The following APLP2 variants were observed in gnomAD, a reference collection of about 807,000 sequenced individuals.
APLP2 encodes the protein CDEI box-binding protein.
APLP2 carries 53 observed loss-of-function variants against 89.9 expected under a neutral mutation model. The ratio of observed to expected loss-of-function variants is 0.59; its 90% CI spans 0.47 to 0.74. The LOEUF (loss-of-function observed/expected upper bound fraction) is 0.74. APLP2 is among the 30% of genes least tolerant of loss of function. APLP2 has a pLI of 0.00. For missense variants in APLP2, 973 were observed against 975.9 expected, an observed-to-expected ratio of 1.00 and a Z score of 0.04; for synonymous variants, 372 against 348.6, an observed-to-expected ratio of 1.07 and a Z score of -0.75.
rs1294787856 is a variant in APLP2 at position 130,122,453 on chromosome 11, C to T, written c.862C>T (p.Pro288Ser). 1 of 1,614,010 alleles carries T rather than the reference C, an allele frequency of 6.2e-7. No homozygotes were observed. The highest frequency in any genetic ancestry group is 2.2e-5 in the East Asian group (1 of 44,884). ...FKGDDYNEENPTEPGSDGTMS... is the reference protein window; with the variant it reads ...FKGDDYNEENSTEPGSDGTMS... ...AGGAGATGACTACAATGAGGAGAAT[C>T]CTACTGAACCCGGCAGCGACGGCAC... is the stretch of plus-strand genomic sequence containing the variant. Residue 288 changes from proline to serine, a missense_variant, in exon 6 of 17, where the codon CCT (proline) becomes TCT (serine). By Grantham distance (74) the Pro-to-Ser change is moderately conservative. Transcript: ENST00000338167.
intron 3 of APLP2, among the ~76,000 whole-genome samples, chr11:130,116,467 C>G (rs894509687): frequency 6.6e-6 from 1 of 152,014 alleles, no homozygotes; most frequent in Admixed American, 6.6e-5. Flanking sequence ...CTAGTTATTT[C>G]CTTAGGGTGT....
At chr11:130,138,167 T>C (rs751740256) in intron 13 of APLP2, among the ~76,000 whole-genome samples, 2 of 152,238 alleles carry the variant, frequency 1.3e-5, no homozygotes, top group African/African-American at 4.8e-5. Context: ...TTGTTCATAA[T>C]GTGTTGTATG....
Position 130,130,134 on chromosome 11 carries a change from G to A in APLP2, c.1552G>A (p.Asp518Asn), listed in dbSNP as rs913449803. ...TCATTACCAGCATGTGTTGGCTGTT[G>A]ACCCAGAAAAGGCGGCCCAGATGAA... ...IRHYQHVLAV[D>N]PEKAAQMKSQ... Residue 518 changes from aspartate (D) to asparagine (N), a missense_variant, in exon 11 of 17, where the codon GAC (aspartate) becomes AAC (asparagine). Asp to Asn is a conservative substitution (Grantham distance 23). Transcript: ENST00000338167. The A allele has an allele frequency of 6.2e-7, 1 of 1,614,218 alleles. No individual in the cohort carries two copies. Among genetic ancestry groups the A allele is most frequent in the African/African-American group, 1.3e-5 (1 of 75,062 alleles).
intron 11 of APLP2, 144 bp from the exon 12 acceptor site, chr11:130,133,485 G>C (rs1591842158): frequency 1.6e-6 from 1 of 625,054 alleles, no homozygotes; most frequent in East Asian, 2.7e-5. Context: ...CATTTCCCCT[G>C]ACCAGTTGCT....
Position 130,141,186 on chromosome 11 carries a change from G to C in APLP2, c.1924-312G>C, listed in dbSNP as rs915487155. On this transcript the variant is annotated intron_variant, in intron 14 of 16. Transcript: ENST00000338167. This position sits in a 1 kb window ranked among gnomAD's most constrained non-coding sequence, Gnocchi z 4.2. ...CTCCCAAAGTGCTGGGATTACAGGCGTGAGCCACCGCGCCTGGTGTAAACG... is the reference window on the plus strand; with the variant it reads ...CTCCCAAAGTGCTGGGATTACAGGCCTGAGCCACCGCGCCTGGTGTAAACG... 1.2e-5 allele frequency: 3 copies of C among 259,322 alleles called. No individual in the cohort carries two copies. Among genetic ancestry groups the C allele is most frequent in the Admixed American group, 5.0e-5 (1 of 19,802 alleles). 16.1% of individuals were successfully genotyped at this position (259,322 alleles called of 1,614,324 possible).
Position 130,143,547 on chromosome 11 carries a change from GCGT to G in APLP2, c.*101_*103del. 2.0e-6 allele frequency: 2 copies of G among 981,066 alleles called. No individual in the cohort carries two copies. The highest frequency in any genetic ancestry group is 1.6e-5 in the African/African-American group (1 of 62,522). The allele number at this position is 981,066 out of a possible 1,614,324, so 60.8% of individuals were successfully genotyped here. ...CAAGCAGCAGCCGCTGCCAGGGGCTGCGTCTGACATCCTGACCTCCTGGACTGT... is the reference window on the plus strand; with the variant it reads ...CAAGCAGCAGCCGCTGCCAGGGGCTGCTGACATCCTGACCTCCTGGACTGT... On this transcript the variant is annotated 3_prime_UTR_variant, in exon 17 of 17. Transcript: ENST00000338167.
chr11:130,124,329 GACTC>G (rs1406913965), intron 7 of APLP2, among the ~76,000 whole-genome samples: 2 of 152,206 alleles, frequency 1.3e-5, no homozygotes, highest in African/African-American at 4.8e-5. Flanking sequence ...AAGTGGTAGT[GACTC>G]ACTCTGTTTC....
At chr11:130,095,577 C>G (rs1282305628) in intron 1 of APLP2, among the ~76,000 whole-genome samples, 1 of 152,260 alleles carries the variant, frequency 6.6e-6, no homozygotes, top group Non-Finnish European at 1.5e-5. Context: ...ACAGTCTCTG[C>G]AGAGCAGGCT....
intron 2 of APLP2, 111 bp downstream of exon 2, chr11:130,109,713 C>G: frequency 3.3e-6 from 4 of 1,196,698 alleles, no homozygotes; most frequent in Non-Finnish European, 4.6e-6. Context: ...GACCAAGATG[C>G]TAATGACTGG....
intron 8 of APLP2, among the ~76,000 whole-genome samples, chr11:130,127,292 AG>A (rs1427111957): frequency 6.6e-6 from 1 of 152,154 alleles, no homozygotes; most frequent in Non-Finnish European, 1.5e-5. Flanking sequence ...TTCCTTTAAA[AG>A]GGTTATAAGA....
Position 130,083,026 on chromosome 11 carries a change from C to CTTTTTTTTTTTTTTTTTT in APLP2, c.105+12954_105+12971dup, listed in dbSNP as rs553962550. On this transcript the variant is annotated intron_variant, in intron 1 of 16. Coordinates refer to ENST00000338167, the MANE Select transcript of APLP2 (RefSeq NM_001142276.2). ...TATTAACCACTGAAACTTTTCTTTTCTTTTTTTTTTTTTTTTTTTTTTTTT... is the reference window on the plus strand; with the variant it reads ...TATTAACCACTGAAACTTTTCTTTTCTTTTTTTTTTTTTTTTTTTTTTTTTTTTTTTTTTTTTTTTTTT... Among the ~76,000 whole-genome samples, 114 of 72,522 alleles carry CTTTTTTTTTTTTTTTTTT rather than the reference C, an allele frequency of 1.6e-3. 13 individuals are homozygous for CTTTTTTTTTTTTTTTTTT. Among genetic ancestry groups the CTTTTTTTTTTTTTTTTTT allele is most frequent in the African/African-American group, 4.0e-3 (64 of 15,892 alleles). The allele number at this position is 72,522 out of a possible 152,430, so 47.6% of individuals were successfully genotyped here.
intron 1 of APLP2, among the ~76,000 whole-genome samples, chr11:130,092,889 G>A (rs574342279): frequency 2.6e-5 from 4 of 152,220 alleles, no homozygotes; most frequent in East Asian, 3.9e-4. Flanking sequence ...CATCTTAGCC[G>A]GGAGGAGCCA....
intron 3 of APLP2, chr11:130,114,209 G>A (rs938179901): frequency 6.6e-6 from 1 of 151,554 alleles, no homozygotes; most frequent in African/African-American, 2.4e-5. Flanking sequence ...ATATTTCCTT[G>A]TCCTTTGTGA....
At chr11:130,086,992 C>CA (rs1944215236) in intron 1 of APLP2, among the ~76,000 whole-genome samples, 1 of 152,256 alleles carries the variant, frequency 6.6e-6, no homozygotes, top group East Asian at 1.9e-4. Flanking sequence ...AAAAACAAAA[C>CA]AAAACCCTGT....
At chr11:130,096,886 C>T (rs1268902884) in intron 1 of APLP2, among the ~76,000 whole-genome samples, 1 of 151,512 alleles carries the variant, frequency 6.6e-6, no homozygotes, top group Non-Finnish European at 1.5e-5. Context: ...AGAAGGTTAA[C>T]TAATAGCCAG....
rs563358558 is a variant in APLP2, at chr11:130,082,223, G to A, written c.105+12141G>A. On this transcript the variant is annotated intron_variant, in intron 1 of 16. Transcript: ENST00000338167. The stretch of plus-strand genomic sequence containing the variant: ...TCTGAGGTGGAGTTCTGCTCTTGTC[G>A]CCCAGGCTGGAGTACAGTGGCACGA... Among the ~76,000 whole-genome samples the A allele has an allele frequency of 5.3e-5, 8 of 150,926 alleles. No individual in the cohort carries two copies. In the South Asian group the frequency reaches 1.5e-3, roughly 28 times the overall value.
intron 1 of APLP2, among the ~76,000 whole-genome samples, chr11:130,076,367 G>A (rs1453039712): frequency 6.6e-6 from 1 of 152,170 alleles, no homozygotes; most frequent in Non-Finnish European, 1.5e-5. Flanking sequence ...GAGCCACTGC[G>A]GGCCCAGCTC....
intron 1 of APLP2, among the ~76,000 whole-genome samples, chr11:130,078,521 C>G (rs1287159281): frequency 6.6e-6 from 1 of 151,710 alleles, no homozygotes; most frequent in Non-Finnish European, 1.5e-5. Context: ...CTTTTTGTAT[C>G]CTGTTTGAGA....
At chr11:130,132,602 G>T (rs950469366) in intron 11 of APLP2, among the ~76,000 whole-genome samples, 8 of 139,418 alleles carry the variant, frequency 5.7e-5, no homozygotes, top group African/African-American at 2.2e-4. Context: ...ACTTCTAATG[G>T]CCTTTTTTTT....
Sources: allele counts gnomAD v4.1 joint callset (sites outside exome capture counted in the v4.1 genomes callset), GRCh38; gene constraint gnomAD v4.1.1; non-coding constraint Gnocchi (gnomAD v3.1); transcripts MANE v1.5; gene names NCBI Gene and HGNC (gene_info 2026-07-23, HGNC 2026-07-21).